AP1M1: variants seen among roughly 807,000 people sequenced by gnomAD.
The protein encoded by AP1M1 is adaptor related protein complex 1 subunit mu 1, also known as AP-1 complex subunit mu-1.
A neutral mutation model predicts 57.1 loss-of-function variants in AP1M1; 18 were observed. The observed-to-expected ratio is 0.32, with a 90% CI of 0.22 to 0.47. The LOEUF is 0.47. AP1M1 is among the 20% of genes least tolerant of loss of function. The pLI, the probability that AP1M1 is intolerant of heterozygous loss-of-function variation, is 1.00. For missense variants in AP1M1, 362 were observed against 593.5 expected, an observed-to-expected ratio of 0.61 and a Z score of 4.05; for synonymous variants, 241 against 237.9, an observed-to-expected ratio of 1.01 and a Z score of -0.12.
At chr19:16,199,664 C>T (rs1001873265) in intron 1 of AP1M1, among the ~76,000 whole-genome samples, 1 of 151,716 alleles carries the variant, frequency 6.6e-6, no homozygotes, top group Non-Finnish European at 1.5e-5. Context: ...CACCCAAAGT[C>T]AACAACTGGT....
rs2091474502 is a variant in AP1M1 at position 16,207,528 on chromosome 19, C to T, written c.268-491C>T. On this transcript the variant is annotated intron_variant, in intron 3 of 11. Coordinates refer to ENST00000291439, the MANE Select transcript of AP1M1 (RefSeq NM_032493.4). The surrounding 1 kb of genome is among the most constrained non-coding windows in gnomAD (Gnocchi z 4.2). ...TGTGCCTTTCTGTTTTAGTGACGCT[C>T]CTTCCTTCAGCATTTGTGCCTGCAA... is the stretch of plus-strand genomic sequence containing the variant. Among the ~76,000 whole-genome samples the T allele has an allele frequency of 1.3e-5, 2 of 152,214 alleles. No homozygotes were observed. The highest frequency in any genetic ancestry group is 1.3e-4 in the Admixed American group (2 of 15,274).
Position 16,238,466 on chromosome 19 carries a change from T to C in AP1M1, c.*4031T>C, listed in dbSNP as rs1599470464. ...GGCTCAGAATACAACTTAAACAACA[T>C]TGAGCGGGAAAAATGTTTACAAAAG... On this transcript the variant is annotated 3_prime_UTR_variant, in exon 12 of 12. Coordinates refer to ENST00000291439, the MANE Select transcript of AP1M1 (RefSeq NM_032493.4). 1 of 151,854 alleles carries C rather than the reference T, an allele frequency of 6.6e-6. No homozygotes were observed. Among genetic ancestry groups the C allele is most frequent in the Non-Finnish European group, 1.5e-5 (1 of 67,958 alleles). The allele number at this position is 151,854 out of a possible 1,614,324, so 9.4% of individuals were successfully genotyped here.
intron 9 of AP1M1, among the ~76,000 whole-genome samples, chr19:16,231,329 A>G (rs2091596424): frequency 6.6e-6 from 1 of 150,850 alleles, no homozygotes; most frequent in African/African-American, 2.4e-5. Flanking sequence ...GAGATTAGAA[A>G]TACAGATTAG....
chr19:16,218,252 G>C (rs867745484), intron 5 of AP1M1, among the ~76,000 whole-genome samples: 11 of 152,204 alleles, frequency 7.2e-5, no homozygotes, highest in Middle Eastern at 3.2e-3. Context: ...ATCACCACCA[G>C]CTCGCCCTTG....
At position 16,237,024 on chromosome 19, in the gene AP1M1, A is replaced by G. The variant is rs928401503; in HGVS notation, c.*2589A>G. ...ATGCTGTTAAGACAGAGCTGTTACAACATCCAACAAGGCAAATAATTTGCA... is the reference window on the plus strand; with the variant it reads ...ATGCTGTTAAGACAGAGCTGTTACAGCATCCAACAAGGCAAATAATTTGCA... On this transcript the variant is annotated 3_prime_UTR_variant, in exon 12 of 12. Coordinates refer to ENST00000291439, the MANE Select transcript of AP1M1 (RefSeq NM_032493.4). 1 of 152,280 alleles carries G rather than the reference A, an allele frequency of 6.6e-6. No individual in the cohort carries two copies. Among genetic ancestry groups the G allele is most frequent in the Non-Finnish European group, 1.5e-5 (1 of 68,048 alleles). The allele number at this position is 152,280 out of a possible 1,614,324, so 9.4% of individuals were successfully genotyped here.
rs2091457066 is a variant in AP1M1 at position 16,203,442 on chromosome 19, T to G, written c.43-17T>G. The G allele has an allele frequency of 6.8e-6, 11 of 1,614,084 alleles. No homozygotes were observed. Among genetic ancestry groups the G allele is most frequent in the Non-Finnish European group, 9.3e-6 (11 of 1,179,950 alleles). Reference sequence around the variant, plus strand: ...ACTGAAAATGCAAGCATCTTTTCTCTTCCTTCCCCACCCCAGGTGCTCATC... The same window carrying G: ...ACTGAAAATGCAAGCATCTTTTCTCGTCCTTCCCCACCCCAGGTGCTCATC... On this transcript the variant is annotated splice_polypyrimidine_tract_variant and intron_variant, in intron 1 of 11. Transcript: ENST00000291439. The surrounding 1 kb of genome is among the most constrained non-coding windows in gnomAD (Gnocchi z 4.6).
At chr19:16,221,168 C>A (rs2091542768) in intron 5 of AP1M1, among the ~76,000 whole-genome samples, 2 of 152,074 alleles carry the variant, frequency 1.3e-5, no homozygotes, top group Non-Finnish European at 2.9e-5. Context: ...ATTCTTGTTG[C>A]CCAGTCTGGA....
rs2091476076 is a variant in AP1M1 at position 16,207,912 on chromosome 19, T to C, written c.268-107T>C. The stretch of plus-strand genomic sequence containing the variant: ...CCACCGAGCCTGGGAAGTAGGCTGT[T>C]GGTAGGACTTAGCGGGCAAATGAAT... On this transcript the variant is annotated intron_variant, in intron 3 of 11. Transcript: ENST00000291439. This position sits in a 1 kb window ranked among gnomAD's most constrained non-coding sequence, Gnocchi z 4.2. 1 of 1,410,704 alleles carries C rather than the reference T, an allele frequency of 7.1e-7. No individual in the cohort carries two copies. The highest frequency in any genetic ancestry group is 9.7e-7 in the Non-Finnish European group (1 of 1,033,826). The allele number at this position is 1,410,704 out of a possible 1,614,324, so 87.4% of individuals were successfully genotyped here.
intron 5 of AP1M1, among the ~76,000 whole-genome samples, chr19:16,210,811 C>T (rs1403185367): frequency 2.0e-5 from 3 of 152,186 alleles, no homozygotes; most frequent in Non-Finnish European, 4.4e-5. Context: ...CCACCCGCCT[C>T]TGCCTCCCAA....
Position 16,206,756 on chromosome 19 carries a change from C to T in AP1M1, c.267+348C>T, listed in dbSNP as rs1333045123. Among the ~76,000 whole-genome samples the T allele has an allele frequency of 6.6e-6, 1 of 152,184 alleles. No homozygotes were observed. Among genetic ancestry groups the T allele is most frequent in the African/African-American group, 2.4e-5 (1 of 41,456 alleles). On this transcript the variant is annotated intron_variant, in intron 3 of 11. Transcript: ENST00000291439. The surrounding 1 kb of genome is among the most constrained non-coding windows in gnomAD (Gnocchi z 4.3). ...TGGAATAACCAGCAGAGCTGCAGAGCTGAGCCCACCTCAGAATCTCCCAGG... is the reference window on the plus strand; with the variant it reads ...TGGAATAACCAGCAGAGCTGCAGAGTTGAGCCCACCTCAGAATCTCCCAGG...
At chr19:16,232,797 T>A (rs2091604748) in intron 9 of AP1M1, among the ~76,000 whole-genome samples, 1 of 152,172 alleles carries the variant, frequency 6.6e-6, no homozygotes, top group Non-Finnish European at 1.5e-5. Flanking sequence ...AGAGCTGAGA[T>A]CGTGCCCCCG....
chr19:16,223,843 G>A (rs1457413701), intron 5 of AP1M1, among the ~76,000 whole-genome samples: 3 of 152,340 alleles, frequency 2.0e-5, no homozygotes, highest in South Asian at 4.1e-4. Context: ...CAGTGGCAGG[G>A]GAAGGGGCGC....
rs765709694 is a variant in AP1M1 at position 16,228,677 on chromosome 19, C to T, written c.889-93C>T. On this transcript the variant is annotated intron_variant, in intron 8 of 11. Coordinates refer to ENST00000291439, the MANE Select transcript of AP1M1 (RefSeq NM_032493.4). The surrounding 1 kb of genome is among the most constrained non-coding windows in gnomAD (Gnocchi z 5.0). ...GGCCAGGGGCGGGGCTAGGGAGGATCCCCCGGGCCAGGCTGAGGGGCATGT... is the reference window on the plus strand; with the variant it reads ...GGCCAGGGGCGGGGCTAGGGAGGATTCCCCGGGCCAGGCTGAGGGGCATGT... 3 of 1,451,012 alleles carry T rather than the reference C, an allele frequency of 2.1e-6. No individual in the cohort carries two copies. Among genetic ancestry groups the T allele is most frequent in the Admixed American group, 1.8e-5 (1 of 55,712 alleles). 89.9% of individuals were successfully genotyped at this position (1,451,012 alleles called of 1,614,324 possible). A position where few individuals can be genotyped will look rare whatever the true frequency, so the allele number is the denominator to read the frequency against.
chr19:16,218,633 C>T (rs950860691), intron 5 of AP1M1, among the ~76,000 whole-genome samples: 2 of 152,220 alleles, frequency 1.3e-5, no homozygotes, highest in Non-Finnish European at 2.9e-5. Context: ...TGCACAGTGT[C>T]CCTGTCTCTT....
intron 5 of AP1M1, among the ~76,000 whole-genome samples, chr19:16,222,343 G>T (rs920240955): frequency 1.1e-4 from 17 of 151,536 alleles, no homozygotes; most frequent in African/African-American, 4.1e-4. Flanking sequence ...GAGTAGCTGG[G>T]ACTACAGGTG....
At chr19:16,222,202 A>T (rs868523542) in intron 5 of AP1M1, among the ~76,000 whole-genome samples, 100 of 57,600 alleles carry the variant, frequency 1.7e-3, no homozygotes, top group East Asian at 3.7e-3. Context: ...TATTACTATT[A>T]TTATTATTAT....
chr19:16,204,198 G>C (rs1225257227), intron 2 of AP1M1, among the ~76,000 whole-genome samples: 5 of 152,076 alleles, frequency 3.3e-5, no homozygotes, highest in Non-Finnish European at 7.4e-5. Flanking sequence ...AGGTGGGAGG[G>C]GAAGTGGCCT....
rs2262138 is a variant in AP1M1, at chr19:16,241,592, C to T, written c.*7157C>T. 0.71 allele frequency: 108,644 copies of T among 152,026 alleles called. 39,068 individuals carry two copies. Among genetic ancestry groups the T allele is most frequent in the Admixed American group, 0.77 (11,797 of 15,264 alleles). The allele number at this position is 152,026 out of a possible 1,614,324, so 9.4% of individuals were successfully genotyped here. The stretch of plus-strand genomic sequence containing the variant: ...TTTGGGAGGAGATTCGGCTAAAGTC[C>T]ACGAGGGCCACGTATTTATATATAA... On this transcript the variant is annotated 3_prime_UTR_variant, in exon 12 of 12. Transcript: ENST00000291439.
Position 16,228,846 on chromosome 19 carries a change from C to T in AP1M1, c.965C>T (p.Ser322Leu). 1 of 1,614,222 alleles carries T rather than the reference C, an allele frequency of 6.2e-7. No individual in the cohort carries two copies. The highest frequency in any genetic ancestry group is 8.5e-7 in the Non-Finnish European group (1 of 1,180,036). Reference protein sequence around the residue: ...IHIPVPNDADSPKFKTTVGSV... With the variant: ...IHIPVPNDADLPKFKTTVGSV... ...ATTCCCGTGCCCAATGATGCCGACT[C>T]ACCCAAGTTCAAGACGACGGTGGGG... Residue 322 changes from serine to leucine, a missense_variant, in exon 9 of 12, where the codon TCA (serine) becomes TTA (leucine). Ser to Leu is a moderately radical substitution (Grantham distance 145, BLOSUM62 -2). Around this residue, in one of 2 missense-constraint regions of AP1M1, gnomAD observed 337 missense variants for 511.1 expected, o/e 0.66. Transcript: ENST00000291439. The surrounding 1 kb of genome is among the most constrained non-coding windows in gnomAD (Gnocchi z 5.0).
Sources: gnomAD v4.1 joint callset for allele counts (sites outside exome capture counted in the v4.1 genomes callset) on GRCh38, gnomAD v4.1.1 for gene constraint, gnomAD v4.1.1 regional missense constraint, Gnocchi (gnomAD v3.1) non-coding constraint, MANE v1.5 for transcripts, NCBI Gene and HGNC (gene_info 2026-07-23, HGNC 2026-07-21) for gene names.